HTR1E: variants seen among roughly 807,000 people sequenced by gnomAD.
The protein encoded by HTR1E is 5-hydroxytryptamine receptor 1E.
HTR1E carries 3 observed loss-of-function variants against 3.4 expected under a neutral mutation model. The ratio of observed to expected loss-of-function variants is 0.89; its 90% CI spans 0.41 to 2.31. The LOEUF is 2.31. Among genes scored for constraint, HTR1E ranks in the 30% most tolerant of loss-of-function variants. The probability of loss-of-function intolerance (pLI) is 0.05; values close to 1 mark genes in which losing one functional copy is unlikely to be tolerated. For synonymous variants in HTR1E, 170 were observed against 182.8 expected, an observed-to-expected ratio of 0.93 and a Z score of 0.56; for missense variants, 392 against 467.0, an observed-to-expected ratio of 0.84 and a Z score of 1.48.
At chr6:86,995,697 A>AG (rs1767931602) in intron 1 of HTR1E, among the ~76,000 whole-genome samples, 3 of 143,166 alleles carry the variant, frequency 2.1e-5, no homozygotes, top group Admixed American at 7.2e-5. Flanking sequence ...AGAAAAAAAA[A>AG]AAAAAAAGAA....
intron 1 of HTR1E, among the ~76,000 whole-genome samples, chr6:86,949,284 TTAAG>T (rs1460307518): frequency 1.3e-5 from 2 of 152,160 alleles, no homozygotes; most frequent in African/African-American, 2.4e-5. Context: ...TTTTGCAGGG[TTAAG>T]TAAGTTAATA....
At chr6:86,997,676 T>C (rs1031945856) in intron 1 of HTR1E, among the ~76,000 whole-genome samples, 1 of 151,744 alleles carries the variant, frequency 6.6e-6, no homozygotes, top group African/African-American at 2.4e-5. Context: ...AAAATGCTAA[T>C]GAAATGAATC....
intron 1 of HTR1E, among the ~76,000 whole-genome samples, chr6:86,949,773 T>C (rs1454880629): frequency 6.6e-6 from 1 of 152,222 alleles, no homozygotes; most frequent in Non-Finnish European, 1.5e-5. Context: ...TTATAATTTC[T>C]ACTTTAACAA....
chr6:86,982,206 C>T (rs962455107), intron 1 of HTR1E, among the ~76,000 whole-genome samples: 2 of 152,134 alleles, frequency 1.3e-5, no homozygotes, highest in Non-Finnish European at 2.9e-5. Flanking sequence ...AGGCATCTAC[C>T]TCCTCTTCCC....
intron 1 of HTR1E, among the ~76,000 whole-genome samples, chr6:86,947,613 CCT>C (rs1324301227): frequency 1.3e-5 from 2 of 151,526 alleles, no homozygotes; most frequent in African/African-American, 4.9e-5. Context: ...TAGTGCTTTC[CCT>C]CTCTATAGGG....
chr6:87,016,499 A>G lies in HTR1E; in HGVS notation c.*67A>G, dbSNP rs1043406441. On this transcript the variant is annotated 3_prime_UTR_variant, in exon 2 of 2. Coordinates refer to ENST00000305344, the MANE Select transcript of HTR1E (RefSeq NM_000865.3). ...TGAGTGGATGGGGGTAAGGGGTGCA[A>G]CTTATTAATTCTTGAACATACTTGG... is the stretch of plus-strand genomic sequence containing the variant. 1.4e-5 allele frequency: 19 copies of G among 1,332,664 alleles called. No homozygotes were observed. The Admixed American group carries it at 4.3e-4, about 30-fold the overall frequency. The allele number at this position is 1,332,664 out of a possible 1,614,324, so 82.6% of individuals were successfully genotyped here.
In HTR1E at chr6:86,991,795, C is replaced by T. The variant is rs543953651; in HGVS notation, c.-185-23355C>T. Among the ~76,000 whole-genome samples, 69 of 152,214 alleles carry T rather than the reference C, an allele frequency of 4.5e-4. 1 individual carries two copies. Among genetic ancestry groups the T allele is most frequent in the African/African-American group, 1.6e-3 (65 of 41,556 alleles). On this transcript the variant is annotated intron_variant, in intron 1 of 1. Transcript: ENST00000305344. ...ATTTCACAGAAACACAAATGTGTAG[C>T]GGCTGTCCAATAATGATTATGTTTA... is the stretch of plus-strand genomic sequence containing the variant.
chr6:86,952,256 C>G (rs190617243), intron 1 of HTR1E, among the ~76,000 whole-genome samples: 143 of 152,196 alleles, frequency 9.4e-4, no homozygotes, highest in African/African-American at 3.4e-3. Flanking sequence ...ATTCAAACAA[C>G]TCACAGAGAA....
intron 1 of HTR1E, among the ~76,000 whole-genome samples, chr6:87,010,577 TC>T (rs1768211630): frequency 7.2e-6 from 1 of 138,672 alleles, no homozygotes; most frequent in Non-Finnish European, 1.6e-5. Context: ...GCTCCTCACT[TC>T]CTAGATGTGA....
intron 1 of HTR1E, among the ~76,000 whole-genome samples, chr6:86,948,801 G>T (rs1392980567): frequency 6.6e-6 from 1 of 152,230 alleles, no homozygotes; most frequent in Non-Finnish European, 1.5e-5. Context: ...ATGAGGCTCA[G>T]TTGAGAGGTG....
intron 1 of HTR1E, among the ~76,000 whole-genome samples, chr6:87,002,971 T>C (rs1768046426): frequency 6.6e-6 from 1 of 152,198 alleles, no homozygotes; most frequent in Non-Finnish European, 1.5e-5. Flanking sequence ...ATAGACCAAA[T>C]GGACCTAATA....
At chr6:86,949,583 C>T (rs915429136) in intron 1 of HTR1E, among the ~76,000 whole-genome samples, 1 of 152,184 alleles carries the variant, frequency 6.6e-6, no homozygotes, top group Middle Eastern at 3.4e-3. Context: ...TTGAACATTT[C>T]TATCAAAAGT....
chr6:86,948,826 C>T (rs994686338), intron 1 of HTR1E, among the ~76,000 whole-genome samples: 1 of 152,122 alleles, frequency 6.6e-6, no homozygotes, highest in Non-Finnish European at 1.5e-5. Flanking sequence ...GGTGCCATCA[C>T]CTACATTGGA....
chr6:86,955,578 G>C (rs1326150974), intron 1 of HTR1E, among the ~76,000 whole-genome samples: 1 of 152,194 alleles, frequency 6.6e-6, no homozygotes, highest in Non-Finnish European at 1.5e-5. Flanking sequence ...ATCCACAGAA[G>C]CTGTGAGATA....
At chr6:86,943,224 C>T (rs1235198014) in intron 1 of HTR1E, among the ~76,000 whole-genome samples, 3 of 152,174 alleles carry the variant, frequency 2.0e-5, no homozygotes, top group South Asian at 2.1e-4. Context: ...AGGGTCTACA[C>T]ACAGCCAAGA....
chr6:86,950,015 G>A (rs1472947259), intron 1 of HTR1E, among the ~76,000 whole-genome samples: 5 of 152,118 alleles, frequency 3.3e-5, no homozygotes, highest in Non-Finnish European at 7.4e-5. Context: ...TGGAGAGAAC[G>A]TGGCATATGG....
intron 1 of HTR1E, among the ~76,000 whole-genome samples, chr6:86,964,232 A>G (rs1209286190): frequency 6.6e-6 from 1 of 152,190 alleles, no homozygotes; most frequent in South Asian, 2.1e-4. Flanking sequence ...TTGGAATCGT[A>G]TCTGGGGGCA....
intron 1 of HTR1E, among the ~76,000 whole-genome samples, chr6:86,950,399 G>A (rs1277018290): frequency 2.0e-5 from 3 of 152,166 alleles, no homozygotes; most frequent in Non-Finnish European, 4.4e-5. Context: ...ATGACAGTGT[G>A]GTGGGAAGGT....
chr6:86,973,298 CTGTGTGTGTGTG>C (rs3043129), intron 1 of HTR1E, among the ~76,000 whole-genome samples: 17 of 149,490 alleles, frequency 1.1e-4, no homozygotes, highest in East Asian at 2.0e-4. Context: ...AAGGCAGTGG[CTGTGTGTGTGTG>C]TGTGTGTGTG....
Sources: allele counts gnomAD v4.1 joint callset (sites outside exome capture counted in the v4.1 genomes callset), GRCh38; gene constraint gnomAD v4.1.1; transcripts MANE v1.5; gene names NCBI Gene and HGNC (gene_info 2026-07-23, HGNC 2026-07-21).